The following BMPR2 variants were observed in gnomAD, a reference collection of about 807,000 sequenced individuals.
BMPR2 encodes the protein bone morphogenetic protein receptor type 2, also known as bone morphogenetic protein receptor type-2.
In BMPR2, 29 loss-of-function variants were observed where a neutral mutation model predicts 100.8. The ratio of observed to expected loss-of-function variants is 0.29; its 90% CI spans 0.21 to 0.39. The LOEUF (loss-of-function observed/expected upper bound fraction) is 0.39, where lower values mean the gene tolerates loss of function less well. Among genes scored for constraint, BMPR2 ranks in the 10% least tolerant of loss-of-function variants. The probability of loss-of-function intolerance (pLI) is 1.00; values close to 1 mark genes in which losing one functional copy is unlikely to be tolerated. For synonymous variants in BMPR2, 382 were observed against 442.3 expected (o/e 0.86, Z 1.71); for missense variants, 1,011 against 1,274.5 (o/e 0.79, Z 3.15).
chr2:202,385,442 G>A (rs374651056), intron 1 of BMPR2, among the ~76,000 whole-genome samples: 28 of 134,270 alleles, frequency 2.1e-4, no homozygotes, highest in African/African-American at 6.9e-4. Context: ...CTCGGCTCAC[G>A]ACAACCTCCA....
chr2:202,396,333 C>T (rs1324045465), intron 1 of BMPR2, among the ~76,000 whole-genome samples: 1 of 152,172 alleles, frequency 6.6e-6, no homozygotes, highest in Non-Finnish European at 1.5e-5. Flanking sequence ...GTACTCAGCT[C>T]TGAAGACTTG....
In BMPR2 at chr2:202,515,084, A is replaced by AT. The variant is rs1687689610; in HGVS notation, c.621+108dup. On this transcript the variant is annotated intron_variant, in intron 5 of 12. Transcript: ENST00000374580. ...GACATTCATTCATTTATTTAACCCT[A>AT]TTTACTAAATTACAATTTTTTGTCA... The AT allele has an allele frequency of 2.5e-6, 3 of 1,182,928 alleles. No individual in the cohort carries two copies. In the South Asian group the frequency reaches 3.7e-5, roughly 15 times the overall value. 73.3% of individuals were successfully genotyped at this position (1,182,928 alleles called of 1,614,324 possible).
chr2:202,400,874 A>G (rs1256714743), intron 1 of BMPR2, among the ~76,000 whole-genome samples: 1 of 152,186 alleles, frequency 6.6e-6, no homozygotes, highest in African/African-American at 2.4e-5. Flanking sequence ...TTTCTTATTT[A>G]AATTACTTAA....
chr2:202,479,373 A>AT (rs1307013689), intron 3 of BMPR2, among the ~76,000 whole-genome samples: 1 of 152,224 alleles, frequency 6.6e-6, no homozygotes, highest in Admixed American at 6.5e-5. Context: ...CTACACCCTG[A>AT]TTACAGTCTT....
In BMPR2 at chr2:202,564,351, C is replaced by T. The variant is rs1218193210; in HGVS notation, c.*4405C>T. On this transcript the variant is annotated 3_prime_UTR_variant, in exon 13 of 13. Coordinates refer to ENST00000374580, the MANE Select transcript of BMPR2 (RefSeq NM_001204.7). Reference sequence around the variant, plus strand: ...TATTCACAGATTGCTTCATATATTGCTTTATCTTCCCATCTAACTTCTTAA... The same window carrying T: ...TATTCACAGATTGCTTCATATATTGTTTTATCTTCCCATCTAACTTCTTAA... The T allele has an allele frequency of 6.6e-6, 1 of 152,172 alleles. No individual in the cohort carries two copies. The allele number at this position is 152,172 out of a possible 1,614,324, so 9.4% of individuals were successfully genotyped here.
chr2:202,389,874 A>G (rs1326944248), intron 1 of BMPR2, among the ~76,000 whole-genome samples: 1 of 151,972 alleles, frequency 6.6e-6, no homozygotes, highest in Admixed American at 6.6e-5. Context: ...TCCTGACCTC[A>G]GGTGATCCGC....
intron 3 of BMPR2, among the ~76,000 whole-genome samples, chr2:202,493,357 C>T (rs1394102975): frequency 6.6e-6 from 1 of 151,938 alleles, no homozygotes; most frequent in African/African-American, 2.4e-5. Flanking sequence ...CTAAAAAGTA[C>T]AATCTTAGTA....
In BMPR2 at chr2:202,541,636, C is replaced by T. The variant is rs116721326; in HGVS notation, c.1277-675C>T. Among the ~76,000 whole-genome samples, 352 of 152,182 alleles carry T rather than the reference C, an allele frequency of 2.3e-3. 1 individual carries two copies. The highest frequency in any genetic ancestry group is 7.9e-3 in the African/African-American group (328 of 41,510). On this transcript the variant is annotated intron_variant, in intron 9 of 12. Coordinates refer to ENST00000374580, the MANE Select transcript of BMPR2 (RefSeq NM_001204.7). The stretch of plus-strand genomic sequence containing the variant: ...CCTGGAGTTTTTCCTCATCTTTACC[C>T]GCCTCCATGGGATCAGTGTTCAGGC...
chr2:202,478,630 C>T (rs547087297), intron 3 of BMPR2, among the ~76,000 whole-genome samples: 194 of 152,138 alleles, frequency 1.3e-3, no homozygotes, highest in African/African-American at 4.5e-3. Context: ...TAAGAAGGGC[C>T]AGGCATGGCA....
At chr2:202,387,965 CTT>C (rs1690463397) in intron 1 of BMPR2, among the ~76,000 whole-genome samples, 2 of 152,152 alleles carry the variant, frequency 1.3e-5, no homozygotes, top group South Asian at 4.1e-4. Flanking sequence ...TGGGATATAA[CTT>C]TTCTGAGATA....
chr2:202,508,047 A>G (rs1454246077), intron 3 of BMPR2, among the ~76,000 whole-genome samples: 1 of 148,614 alleles, frequency 6.7e-6, no homozygotes, highest in Non-Finnish European at 1.5e-5. Flanking sequence ...ATTTTATCTT[A>G]TCTAAAAAGC....
chr2:202,511,342 G>A (rs12464576), intron 3 of BMPR2, among the ~76,000 whole-genome samples: 18,098 of 152,058 alleles, frequency 0.12, 1,192 homozygotes, highest in Admixed American at 0.14. Flanking sequence ...TTCCACTTTC[G>A]GGTGTTGTAA....
At chr2:202,557,652 A>G (rs1188061860) in intron 12 of BMPR2, among the ~76,000 whole-genome samples, 2 of 152,138 alleles carry the variant, frequency 1.3e-5, no homozygotes, top group Non-Finnish European at 2.9e-5. Context: ...GGGCAGCAAG[A>G]GCGAAACTCC....
At chr2:202,440,196 C>T (rs1691703940) in intron 1 of BMPR2, among the ~76,000 whole-genome samples, 1 of 150,810 alleles carries the variant, frequency 6.6e-6, no homozygotes, top group African/African-American at 2.5e-5. Context: ...GACAAAACCG[C>T]CATCCTCATC....
chr2:202,507,546 C>T (rs777417051), intron 3 of BMPR2, among the ~76,000 whole-genome samples: 1 of 151,680 alleles, frequency 6.6e-6, no homozygotes, highest in Non-Finnish European at 1.5e-5. Flanking sequence ...TGCACTACCA[C>T]ACCCAGCTAA....
chr2:202,557,523 T>G (rs1688600788), intron 12 of BMPR2, among the ~76,000 whole-genome samples: 3 of 140,164 alleles, frequency 2.1e-5, no homozygotes, highest in Admixed American at 2.1e-4. Flanking sequence ...ACAAATTAGC[T>G]GGGTGTGGTG....
At chr2:202,506,909 A>G (rs992297275) in intron 3 of BMPR2, among the ~76,000 whole-genome samples, 3 of 151,546 alleles carry the variant, frequency 2.0e-5, no homozygotes, top group Non-Finnish European at 2.9e-5. Context: ...TCAAAAAACA[A>G]TAACAGCAAA....
intron 1 of BMPR2, among the ~76,000 whole-genome samples, chr2:202,396,047 G>A (rs1690651488): frequency 6.6e-6 from 1 of 152,218 alleles, no homozygotes; most frequent in Non-Finnish European, 1.5e-5. Flanking sequence ...CAGCCAGGTG[G>A]CAAAGGCACA....
chr2:202,376,927 C>T lies in BMPR2; in HGVS notation c.-548C>T. 2.3e-6 allele frequency: 1 copy of T among 438,574 alleles called. No homozygotes were observed. The highest frequency in any genetic ancestry group is 4.0e-6 in the Non-Finnish European group (1 of 250,478). The allele number at this position is 438,574 out of a possible 1,614,324, so 27.2% of individuals were successfully genotyped here. On this transcript the variant is annotated 5_prime_UTR_variant, in exon 1 of 13. Transcript: ENST00000374580. Reference sequence around the variant, plus strand: ...GAAGAGGATTTGTTGTTTTCGAAATCAGAGTGAAGGAAGCACCGAAGCGAA... The same window carrying T: ...GAAGAGGATTTGTTGTTTTCGAAATTAGAGTGAAGGAAGCACCGAAGCGAA...
Sources: gnomAD v4.1 joint callset for allele counts (sites outside exome capture counted in the v4.1 genomes callset) on GRCh38, gnomAD v4.1.1 for gene constraint, MANE v1.5 for transcripts, NCBI Gene and HGNC (gene_info 2026-07-23, HGNC 2026-07-21) for gene names.